Variants in DSCAM observed in about 807,000 individuals in gnomAD.
DSCAM encodes DS cell adhesion molecule.
DSCAM carries 47 observed loss-of-function variants against 217.7 expected under a neutral mutation model. The ratio of observed to expected loss-of-function variants is 0.22; its 90% CI spans 0.17 to 0.28. The LOEUF is 0.28. Among genes scored for constraint, DSCAM ranks in the 10% least tolerant of loss-of-function variants. The pLI, the probability that DSCAM is intolerant of heterozygous loss-of-function variation, is 1.00. For missense variants in DSCAM, 2,080 were observed against 2,618.3 expected, an observed-to-expected ratio of 0.79 and a Z score of 4.49; for synonymous variants, 1,056 against 1,015.3, an observed-to-expected ratio of 1.04 and a Z score of -0.76.
intron 27 of DSCAM, among the ~76,000 whole-genome samples, chr21:40,073,497 G>T (rs1486803587): frequency 6.6e-6 from 1 of 152,098 alleles, no homozygotes; most frequent in Non-Finnish European, 1.5e-5. Context: ...CATCCTTTTT[G>T]TGTTTTAGTG....
intron 3 of DSCAM, among the ~76,000 whole-genome samples, chr21:40,598,497 G>GTTTTTTTTTTTTTTTTT (rs71186947): frequency 3.0e-5 from 2 of 66,790 alleles, no homozygotes; most frequent in African/African-American, 1.2e-4. Context: ...CTGCCAAACT[G>GTTTTTTTTTTTTTTTTT]TTTTTTTTTT....
chr21:40,248,104 C>A (rs1379618760), intron 11 of DSCAM, among the ~76,000 whole-genome samples: 1 of 152,182 alleles, frequency 6.6e-6, no homozygotes. Flanking sequence ...CTAGGCTGCA[C>A]ACAGCATGGG....
Position 40,708,597 on chromosome 21 carries a change from C to CGGATCCCGGGGA in DSCAM, c.206_217dup (p.Ile72_Arg73insLeuProGlyIle). 6.2e-7 allele frequency: 1 copy of CGGATCCCGGGGA among 1,609,942 alleles called. No individual in the cohort carries two copies. Among genetic ancestry groups the CGGATCCCGGGGA allele is most frequent in the Non-Finnish European group, 8.5e-7 (1 of 1,177,956 alleles). ...GAGAGTGCCGTTGGGGTGGACGTGG[C>CGGATCCCGGGGA]GGATCCCGGGGACATCGTAGATCTC... On this transcript the variant is annotated inframe_insertion, in exon 2 of 33. Coordinates refer to ENST00000400454, the MANE Select transcript of DSCAM (RefSeq NM_001389.5).
chr21:40,547,739 G>A (rs1186731227), intron 3 of DSCAM, among the ~76,000 whole-genome samples: 1 of 152,122 alleles, frequency 6.6e-6, no homozygotes, highest in Non-Finnish European at 1.5e-5. Context: ...AAGATGTCTG[G>A]ACACTGGGTT....
rs755921488 is a variant in DSCAM at position 40,013,013 on chromosome 21, G to T, written c.*21C>A. 7.2e-7 allele frequency: 1 copy of T among 1,380,512 alleles called. No homozygotes were observed. Among genetic ancestry groups the T allele is most frequent in the South Asian group, 2.1e-5 (1 of 48,486 alleles). The allele number at this position is 1,380,512 out of a possible 1,614,324, so 85.5% of individuals were successfully genotyped here. On this transcript the variant is annotated 3_prime_UTR_variant, in exon 33 of 33. Transcript: ENST00000400454. ...AATTGTTTGAATTGTATTTACAACC[G>T]CTGTCCAGTCATGCTGTCTGTTATA...
chr21:40,642,111 G>T (rs914200619), intron 3 of DSCAM, among the ~76,000 whole-genome samples: 1 of 151,974 alleles, frequency 6.6e-6, no homozygotes, highest in Non-Finnish European at 1.5e-5. Flanking sequence ...GAAAATCAAG[G>T]CTCAGAGAGG....
chr21:40,462,950 T>G (rs1734857571), intron 3 of DSCAM, among the ~76,000 whole-genome samples: 1 of 152,180 alleles, frequency 6.6e-6, no homozygotes, highest in South Asian at 2.1e-4. Flanking sequence ...AATCTTATTT[T>G]TATTCCATAT....
At chr21:40,569,009 G>A (rs544747548) in intron 3 of DSCAM, among the ~76,000 whole-genome samples, 2 of 152,272 alleles carry the variant, frequency 1.3e-5, no homozygotes, top group East Asian at 3.9e-4. Context: ...ATCCCAGATA[G>A]GCTGTTTATC....
intron 1 of DSCAM, among the ~76,000 whole-genome samples, chr21:40,767,461 A>T (rs192012991): frequency 6.6e-6 from 1 of 152,268 alleles, no homozygotes; most frequent in Non-Finnish European, 1.5e-5. Flanking sequence ...CGCTCCCTGC[A>T]CCTTCGCCTG....
intron 10 of DSCAM, among the ~76,000 whole-genome samples, chr21:40,281,368 T>G (rs983523305): frequency 1.3e-5 from 2 of 152,198 alleles, no homozygotes; most frequent in Admixed American, 1.3e-4. Flanking sequence ...TTAATAATTT[T>G]AAGATTATAT....
intron 14 of DSCAM, among the ~76,000 whole-genome samples, chr21:40,180,172 A>C (rs1409003373): frequency 2.0e-5 from 3 of 152,252 alleles, no homozygotes; most frequent in Non-Finnish European, 4.4e-5. Context: ...ATAGAGGAAC[A>C]AATAAACCAC....
At chr21:40,346,796 A>C (rs968007097) in intron 6 of DSCAM, among the ~76,000 whole-genome samples, 2 of 152,194 alleles carry the variant, frequency 1.3e-5, no homozygotes, top group Non-Finnish European at 2.9e-5. Flanking sequence ...ACTGCACCAA[A>C]CAGATGCCAT....
chr21:40,205,602 CA>C (rs35725347), intron 11 of DSCAM, among the ~76,000 whole-genome samples: 8,630 of 83,456 alleles, frequency 0.1, 278 homozygotes, highest in East Asian at 0.21. Context: ...GACTCTATCT[CA>C]AAAAAAAAAA....
chr21:40,592,995 G>A (rs459696), intron 3 of DSCAM, among the ~76,000 whole-genome samples: 4 of 152,146 alleles, frequency 2.6e-5, no homozygotes, highest in Admixed American at 6.5e-5. Context: ...TACATTTGAC[G>A]AAGTTAAATG....
chr21:40,616,495 C>T (rs2089395791), intron 3 of DSCAM, among the ~76,000 whole-genome samples: 1 of 152,216 alleles, frequency 6.6e-6, no homozygotes, highest in African/African-American at 2.4e-5. Flanking sequence ...GCTGCCCTCC[C>T]TGGGCTTAGA....
chr21:40,017,560 T>A, intron 32 of DSCAM, among the ~76,000 whole-genome samples: 1 of 105,084 alleles, frequency 9.5e-6, no homozygotes, highest in East Asian at 2.2e-4. Flanking sequence ...AAATGGGCCA[T>A]AACATTTTTT....
chr21:40,356,058 T>A (rs1415496280), intron 4 of DSCAM, among the ~76,000 whole-genome samples: 1 of 152,052 alleles, frequency 6.6e-6, no homozygotes, highest in Non-Finnish European at 1.5e-5. Flanking sequence ...AACACTTAAG[T>A]TTTTTTCATA....
In DSCAM at chr21:40,254,661, A is replaced by G. The variant is rs145911909; in HGVS notation, c.2356+21436T>C. On this transcript the variant is annotated intron_variant, in intron 11 of 32. Coordinates refer to ENST00000400454, the MANE Select transcript of DSCAM (RefSeq NM_001389.5). The stretch of plus-strand genomic sequence containing the variant: ...CACCTTGGAAGGGCCACCCAGCTTC[A>G]GAGCTCTTTGCAGGATCAGCTGGGC... Among the ~76,000 whole-genome samples the G allele has an allele frequency of 4.7e-3, 718 of 152,250 alleles. 13 individuals carry two copies. Among genetic ancestry groups the G allele is most frequent in the African/African-American group, 0.017 (687 of 41,548 alleles).
At chr21:40,595,121 T>C (rs2077011766) in intron 3 of DSCAM, among the ~76,000 whole-genome samples, 1 of 152,192 alleles carries the variant, frequency 6.6e-6, no homozygotes, top group Non-Finnish European at 1.5e-5. Context: ...TCCATGCCTA[T>C]AATTCCATGA....
Sources: gnomAD v4.1 joint callset for allele counts (sites outside exome capture counted in the v4.1 genomes callset) on GRCh38, gnomAD v4.1.1 for gene constraint, MANE v1.5 for transcripts, NCBI Gene and HGNC (gene_info 2026-07-23, HGNC 2026-07-21) for gene names.